Variants in TULP2 observed in about 807,000 individuals in gnomAD.
The protein encoded by TULP2 is tubby-related protein 2.
A neutral mutation model predicts 60.3 loss-of-function variants in TULP2; 64 were observed. The observed-to-expected ratio is 1.06, with a 90% CI of 0.87 to 1.31. The LOEUF (loss-of-function observed/expected upper bound fraction) is 1.31, where lower values mean the gene tolerates loss of function less well. TULP2 is among the 50% of genes most tolerant of loss of function. TULP2 has a pLI of 0.00. For synonymous variants in TULP2, 267 were observed against 265.4 expected, an observed-to-expected ratio of 1.01 and a Z score of -0.06; for missense variants, 652 against 667.0, an observed-to-expected ratio of 0.98 and a Z score of 0.25.
chr19:48,888,001 C>T lies in TULP2; in HGVS notation c.897G>A (p.Lys299=), dbSNP rs773783782. Residue 299 remains lysine (K), a synonymous_variant, in exon 8 of 13, where the codon AAG becomes AAA. Coordinates refer to ENST00000221399, the MANE Select transcript of TULP2 (RefSeq NM_003323.3). ...YLTRDKHGVD[K]GLFPLYYLYL... is the part of the protein sequence containing the mutation. The stretch of plus-strand genomic sequence containing the variant: ...AGAGGTAGTAGAGGGGGAACAAGCC[C>T]TTGTCCACGCCGTGCTTGTCACGGG... The T allele has an allele frequency of 3.7e-6, 6 of 1,614,050 alleles. No homozygotes were observed. Among genetic ancestry groups the T allele is most frequent in the Non-Finnish European group, 1.7e-6 (2 of 1,180,026 alleles).
intron 9 of TULP2, 113 bp from the exon 10 acceptor site, chr19:48,884,159 G>C (rs760251414): frequency 1.3e-4 from 106 of 823,326 alleles, no homozygotes; most frequent in Non-Finnish European, 1.9e-4. Flanking sequence ...GACTATGTCC[G>C]AATGTCTAAG....
intron 12 of TULP2, 178 bp downstream of exon 12, chr19:48,881,854 T>C (rs1176258955): frequency 1.3e-6 from 1 of 798,846 alleles, no homozygotes; most frequent in Non-Finnish European, 2.0e-6. Context: ...GCGGTGCCCT[T>C]ACTAAGCCAG....
chr19:48,885,883 T>A (rs2037175385), intron 8 of TULP2, among the ~76,000 whole-genome samples: 1 of 151,326 alleles, frequency 6.6e-6, no homozygotes, highest in Non-Finnish European at 1.5e-5. Context: ...AGACTCCATC[T>A]CAAAACAAAA....
In TULP2 at chr19:48,887,285, A is replaced by G. The variant is rs375785105; in HGVS notation, c.948+665T>C. Among the ~76,000 whole-genome samples, 11 of 132,130 alleles carry G rather than the reference A, an allele frequency of 8.3e-5. 1 individual carries two copies. The East Asian group carries it at 2.4e-3, about 29-fold the overall frequency. The allele number at this position is 132,130 out of a possible 152,430, so 86.7% of individuals were successfully genotyped here. On this transcript the variant is annotated intron_variant, in intron 8 of 12. Transcript: ENST00000221399. ...CTCGGCCTCCCAAAGTGCTAGGATTACAAGTGTGAGCCACCGCGCCCAGCC... is the reference window on the plus strand; with the variant it reads ...CTCGGCCTCCCAAAGTGCTAGGATTGCAAGTGTGAGCCACCGCGCCCAGCC...
rs2037294767 is a variant in TULP2 at position 48,897,667 on chromosome 19, A to C, written c.32+170T>G. Among the ~76,000 whole-genome samples the C allele has an allele frequency of 6.6e-6, 1 of 152,146 alleles. No homozygotes were observed. The highest frequency in any genetic ancestry group is 6.6e-5 in the Admixed American group (1 of 15,262). ...CAACCCCTTCTCTTTCAGACCCAGA[A>C]GTCTGCACCCTAGCCCCATCCCTTC... is the stretch of plus-strand genomic sequence containing the variant. On this transcript the variant is annotated intron_variant, in intron 2 of 12. Transcript: ENST00000221399. The surrounding 1 kb of genome is among the most constrained non-coding windows in gnomAD (Gnocchi z 4.0).
chr19:48,894,890 T>A, intron 6 of TULP2, 108 bp downstream of exon 6: 8 of 1,386,988 alleles, frequency 5.8e-6, no homozygotes, highest in Non-Finnish European at 7.8e-6. Flanking sequence ...ATGGGTGACT[T>A]GTATGGTTTG....
Position 48,895,039 on chromosome 19 carries a change from G to C in TULP2, c.473C>G (p.Pro158Arg), listed in dbSNP as rs779199978. 5.0e-6 allele frequency: 8 copies of C among 1,613,904 alleles called. No individual in the cohort carries two copies. The Admixed American group carries it at 5.0e-5, about 10-fold the overall frequency. Residue 158 changes from proline (P) to arginine (R), a missense_variant, in exon 6 of 13, where the codon CCG becomes CGG. Pro to Arg is a moderately radical substitution (Grantham distance 103). Coordinates refer to ENST00000221399, the MANE Select transcript of TULP2 (RefSeq NM_003323.3). ...SVSPPPFKQSPRIRRKGWQAH... is the reference protein window; with the variant it reads ...SVSPPPFKQSRRIRRKGWQAH... ...TTGCCAACCCTTGCGTCGGATTCTCGGAGACTGTTTAAAAGGTGGGGGAGA... is the reference window on the plus strand; with the variant it reads ...TTGCCAACCCTTGCGTCGGATTCTCCGAGACTGTTTAAAAGGTGGGGGAGA...
chr19:48,897,254 T>G lies in TULP2; in HGVS notation c.84+91A>C. Reference sequence around the variant, plus strand: ...AGGATGAGAGACAGCCAACACGGGCTGGGAGTCCTAGAGCAAGACCTGGTG... The same window carrying G: ...AGGATGAGAGACAGCCAACACGGGCGGGGAGTCCTAGAGCAAGACCTGGTG... On this transcript the variant is annotated intron_variant, in intron 3 of 12. Coordinates refer to ENST00000221399, the MANE Select transcript of TULP2 (RefSeq NM_003323.3). This position sits in a 1 kb window ranked among gnomAD's most constrained non-coding sequence, Gnocchi z 4.0. 3 of 1,391,532 alleles carry G rather than the reference T, an allele frequency of 2.2e-6. No homozygotes were observed. The highest frequency in any genetic ancestry group is 1.2e-5 in the South Asian group (1 of 82,842). 86.2% of individuals were successfully genotyped at this position (1,391,532 alleles called of 1,614,324 possible).
rs372435271 is a variant in TULP2, at chr19:48,889,459, C to T, written c.636+51G>A. The T allele has an allele frequency of 1.9e-4, 296 of 1,541,400 alleles. 3 individuals are homozygous for T. The highest frequency in any genetic ancestry group is 1.8e-3 in the African/African-American group (131 of 73,618). ...TTTAGCCCCACCCTCACCAGAGGTC[C>T]GAGGCTAGCCCTCTTCTTCCAATAT... On this transcript the variant is annotated intron_variant, in intron 7 of 12. Coordinates refer to ENST00000221399, the MANE Select transcript of TULP2 (RefSeq NM_003323.3).
chr19:48,895,000 GGT>G lies in TULP2; in HGVS notation c.510_511del (p.Pro171TrpfsTer7). ...CACCCCAATGTCCCCTAAATTACCA[GGT>G]CGTTGGTGGGCTTGCCAACCCTTGC... On this transcript the variant is annotated frameshift_variant, in exon 6 of 13. Coordinates refer to ENST00000221399, the MANE Select transcript of TULP2 (RefSeq NM_003323.3). LOFTEE classifies it high-confidence loss of function. 1 of 1,611,648 alleles carries G rather than the reference GGT, an allele frequency of 6.2e-7. No individual in the cohort carries two copies. The highest frequency in any genetic ancestry group is 8.5e-7 in the Non-Finnish European group (1 of 1,179,220).
chr19:48,895,408 C>A lies in TULP2; in HGVS notation c.307G>T (p.Gly103Cys). Residue 103 changes from glycine (G) to cysteine (C), a missense_variant, in exon 5 of 13, where the codon GGC (glycine) becomes TGC (cysteine). Physicochemically the swap from Gly to Cys is radical, Grantham distance 159. Coordinates refer to ENST00000221399, the MANE Select transcript of TULP2 (RefSeq NM_003323.3). ...GTCGGGAGGCCGCGCTCGCCCCTGC[C>A]GTCTCCACCACAGCTCACGGTGCCC... ...ALGTVSCGGD[G>C]RGERGLPTPR... 6.2e-7 allele frequency: 1 copy of A among 1,613,984 alleles called. No individual in the cohort carries two copies. Among genetic ancestry groups the A allele is most frequent in the African/African-American group, 1.3e-5 (1 of 75,022 alleles).
chr19:48,896,538 T>G lies in TULP2; in HGVS notation c.103A>C (p.Lys35Gln), dbSNP rs1468452089. The change falls in exon 4 of 13, where the codon AAG becomes CAG. Residue 35 changes from lysine (K) to glutamine (Q), a missense_variant. Physicochemically the swap from Lys to Gln is moderately conservative, Grantham distance 53 (BLOSUM62 1). Coordinates refer to ENST00000221399, the MANE Select transcript of TULP2 (RefSeq NM_003323.3). Reference protein sequence around the residue: ...LEQQRRLFEKKQRQKRQELLM... With the variant: ...LEQQRRLFEKQQRQKRQELLM... ...AGCTCCTGGCGCTTCTGTCGCTGCTTCTTTTCAAACAGCCGCCGCTGGGGA... is the reference window on the plus strand; with the variant it reads ...AGCTCCTGGCGCTTCTGTCGCTGCTGCTTTTCAAACAGCCGCCGCTGGGGA... 4 of 1,601,914 alleles carry G rather than the reference T, an allele frequency of 2.5e-6. No individual in the cohort carries two copies. Among genetic ancestry groups the G allele is most frequent in the East Asian group, 2.3e-5 (1 of 44,112 alleles).
intron 3 of TULP2, 114 bp from the exon 4 acceptor site, chr19:48,896,670 T>G: frequency 7.7e-7 from 1 of 1,302,220 alleles, no homozygotes; most frequent in Non-Finnish European, 1.0e-6. Flanking sequence ...AACCCCTTCC[T>G]CCACTGGGGC....
chr19:48,881,980 A>C (rs544203030), intron 12 of TULP2, 52 bp downstream of exon 12: 11 of 1,613,080 alleles, frequency 6.8e-6, no homozygotes, highest in Non-Finnish European at 9.3e-6. Context: ...TTCCGTTCAC[A>C]CCCTAACCCC....
rs372708803 is a variant in TULP2, at chr19:48,887,746, C to T, written c.948+204G>A. Among the ~76,000 whole-genome samples the T allele has an allele frequency of 1.6e-4, 25 of 152,166 alleles. No homozygotes were observed. In the East Asian group the frequency reaches 4.7e-3, roughly 28 times the overall value. Reference sequence around the variant, plus strand: ...CTAATTTTTGTATTTTTAGTGGAGACGGGGTTTCACCATATTGGTCAGGCT... The same window carrying T: ...CTAATTTTTGTATTTTTAGTGGAGATGGGGTTTCACCATATTGGTCAGGCT... On this transcript the variant is annotated intron_variant, in intron 8 of 12. Coordinates refer to ENST00000221399, the MANE Select transcript of TULP2 (RefSeq NM_003323.3).
At position 48,897,583 on chromosome 19, in the gene TULP2, A is replaced by G. The variant is rs2037294196; in HGVS notation, c.33-187T>C. The G allele has an allele frequency of 2.8e-6, 2 of 706,458 alleles. No homozygotes were observed. Among genetic ancestry groups the G allele is most frequent in the South Asian group, 3.6e-5 (2 of 55,078 alleles). 43.8% of individuals were successfully genotyped at this position (706,458 alleles called of 1,614,324 possible). On this transcript the variant is annotated intron_variant, in intron 2 of 12. Coordinates refer to ENST00000221399, the MANE Select transcript of TULP2 (RefSeq NM_003323.3). This position sits in a 1 kb window ranked among gnomAD's most constrained non-coding sequence, Gnocchi z 4.0. ...CTTTCTCCTGGCACTGGCCCACAGA[A>G]GCCGGGACCCAGAGATCCCAGGTCC...
chr19:48,894,335 T>A (rs980562691), intron 6 of TULP2, among the ~76,000 whole-genome samples: 4 of 152,070 alleles, frequency 2.6e-5, no homozygotes, highest in African/African-American at 4.8e-5. Context: ...AAAATTTTTT[T>A]AAATAACATA....
chr19:48,891,545 G>A (rs553169183), intron 6 of TULP2, among the ~76,000 whole-genome samples: 1 of 110,064 alleles, frequency 9.1e-6, no homozygotes, highest in Non-Finnish European at 1.7e-5. Context: ...CAGGAGAATC[G>A]CTTAAACCCA....
rs771046112 is a variant in TULP2, at chr19:48,883,912, C to G, written c.1176+20G>C. ...TCTTCTGACTATCCTACCCCATTCT[C>G]TCATCCCCAGGACACTCACATAACA... On this transcript the variant is annotated intron_variant, in intron 10 of 12. Coordinates refer to ENST00000221399, the MANE Select transcript of TULP2 (RefSeq NM_003323.3). The G allele has an allele frequency of 1.9e-6, 3 of 1,613,940 alleles. No individual in the cohort carries two copies. The highest frequency in any genetic ancestry group is 1.1e-5 in the South Asian group (1 of 91,078).
Sources: allele counts gnomAD v4.1 joint callset (sites outside exome capture counted in the v4.1 genomes callset), GRCh38; gene constraint gnomAD v4.1.1; non-coding constraint Gnocchi (gnomAD v3.1); transcripts MANE v1.5; gene names NCBI Gene and HGNC (gene_info 2026-07-23, HGNC 2026-07-21).